The following GRID2 variants were observed in gnomAD, a reference collection of about 807,000 sequenced individuals.
The protein encoded by GRID2 is glutamate ionotropic receptor delta type subunit 2.
In GRID2, 33 loss-of-function variants were observed where a neutral mutation model predicts 114.8. That is an observed-to-expected ratio of 0.29 (90% CI 0.22 to 0.38). The LOEUF is 0.38. Ranked by LOEUF, GRID2 falls within the 10% of genes least tolerant of loss-of-function variation. GRID2 has a pLI of 1.00. For missense variants in GRID2, 1,184 were observed against 1,257.7 expected, an observed-to-expected ratio of 0.94 and a Z score of 0.89; for synonymous variants, 505 against 449.9, an observed-to-expected ratio of 1.12 and a Z score of -1.55.
At chr4:92,869,623 C>T (rs765452420) in intron 2 of GRID2, among the ~76,000 whole-genome samples, 24 of 152,190 alleles carry the variant, frequency 1.6e-4, no homozygotes, top group African/African-American at 3.1e-4. Context: ...TTATAAAGCC[C>T]GACATTATCC....
chr4:93,741,722 G>C (rs774065125), intron 14 of GRID2, among the ~76,000 whole-genome samples: 2 of 152,096 alleles, frequency 1.3e-5, no homozygotes, highest in Non-Finnish European at 2.9e-5. Context: ...TCAGGAGTTC[G>C]AGACCAGCCT....
intron 13 of GRID2, among the ~76,000 whole-genome samples, chr4:93,538,831 A>T (rs1458725956): frequency 6.6e-6 from 1 of 151,830 alleles, no homozygotes; most frequent in Admixed American, 6.6e-5. Context: ...AACTAACAAG[A>T]CATAACAACT....
In GRID2 at chr4:92,922,305, A is replaced by G. The variant is rs570455031; in HGVS notation, c.245-162690A>G. On this transcript the variant is annotated intron_variant, in intron 2 of 15. Coordinates refer to ENST00000282020, the MANE Select transcript of GRID2 (RefSeq NM_001510.4). The stretch of plus-strand genomic sequence containing the variant: ...CCCCTTGCGCTTCCCTGGTGAGGCA[A>G]TGACTCACCCTGCTTCGGCTCATGT... Among the ~76,000 whole-genome samples, 125 of 152,220 alleles carry G rather than the reference A, an allele frequency of 8.2e-4. 1 individual carries two copies. The highest frequency in any genetic ancestry group is 2.5e-3 in the African/African-American group (102 of 41,562).
chr4:92,519,114 C>G (rs1724649319), intron 1 of GRID2, among the ~76,000 whole-genome samples: 1 of 151,732 alleles, frequency 6.6e-6, no homozygotes, highest in South Asian at 2.1e-4. Flanking sequence ...ATACATGTAT[C>G]AAATTTAACC....
intron 2 of GRID2, among the ~76,000 whole-genome samples, chr4:92,796,210 G>A (rs995640774): frequency 6.6e-6 from 1 of 151,726 alleles, no homozygotes; most frequent in Non-Finnish European, 1.5e-5. Context: ...TGATCTAGAG[G>A]CTGAACTAGA....
intron 1 of GRID2, among the ~76,000 whole-genome samples, chr4:92,535,977 G>A (rs908045056): frequency 4.2e-4 from 64 of 152,134 alleles, no homozygotes; most frequent in African/African-American, 1.4e-3. Flanking sequence ...GCAGACCTTC[G>A]TGGTGAGTGT....
At chr4:93,710,376 C>G (rs1479027666) in intron 14 of GRID2, among the ~76,000 whole-genome samples, 1 of 152,196 alleles carries the variant, frequency 6.6e-6, no homozygotes, top group Non-Finnish European at 1.5e-5. Flanking sequence ...AGGAAATTTC[C>G]TTGTATTACA....
At chr4:93,400,285 C>T (rs554956287) in intron 9 of GRID2, among the ~76,000 whole-genome samples, 1 of 152,090 alleles carries the variant, frequency 6.6e-6, no homozygotes, top group South Asian at 2.1e-4. Context: ...TGTATTCAAC[C>T]ATCACCAAAG....
intron 14 of GRID2, among the ~76,000 whole-genome samples, chr4:93,707,784 T>G (rs1271434778): frequency 6.6e-6 from 1 of 151,960 alleles, no homozygotes; most frequent in Non-Finnish European, 1.5e-5. Flanking sequence ...ATCATTAGGT[T>G]ATTTATTTGA....
chr4:92,558,812 G>A (rs957280157), intron 1 of GRID2, among the ~76,000 whole-genome samples: 18 of 139,890 alleles, frequency 1.3e-4, no homozygotes, highest in African/African-American at 4.5e-4. Flanking sequence ...TTTTTTGTAA[G>A]ATAAATGGAA....
intron 14 of GRID2, among the ~76,000 whole-genome samples, chr4:93,652,391 C>A (rs2149723336): frequency 6.6e-6 from 1 of 152,204 alleles, no homozygotes; most frequent in African/African-American, 2.4e-5. Context: ...CGATGACAGA[C>A]TGCATAAAAA....
chr4:93,405,315 A>G (rs894816504), intron 9 of GRID2, among the ~76,000 whole-genome samples: 7 of 152,200 alleles, frequency 4.6e-5, no homozygotes, highest in Non-Finnish European at 7.4e-5. Flanking sequence ...TAAAATCACC[A>G]TAAGAATTGA....
At chr4:92,659,732 C>A (rs537004145) in intron 2 of GRID2, among the ~76,000 whole-genome samples, 1 of 151,344 alleles carries the variant, frequency 6.6e-6, no homozygotes, top group South Asian at 2.1e-4. Flanking sequence ...AGAATAAATC[C>A]ATTCCTGTGC....
intron 14 of GRID2, among the ~76,000 whole-genome samples, chr4:93,697,867 G>GTATATATATATA (rs1336222146): frequency 8.3e-4 from 70 of 83,864 alleles, no homozygotes; most frequent in East Asian, 1.5e-3. Flanking sequence ...TCCACAATGT[G>GTATATATATATA]TGTATATATA....
intron 1 of GRID2, among the ~76,000 whole-genome samples, chr4:92,409,863 G>A (rs1265620418): frequency 1.3e-5 from 2 of 152,066 alleles, no homozygotes; most frequent in African/African-American, 4.8e-5. Context: ...GACTGTGCTG[G>A]TCTTTTTCTT....
intron 2 of GRID2, among the ~76,000 whole-genome samples, chr4:92,661,461 C>A (rs1256536737): frequency 2.7e-5 from 4 of 150,804 alleles, no homozygotes; most frequent in Admixed American, 6.6e-5. Context: ...GGAATGATTC[C>A]TATTAATGTC....
At chr4:92,485,533 T>A (rs146142244) in intron 1 of GRID2, among the ~76,000 whole-genome samples, 1 of 150,700 alleles carries the variant, frequency 6.6e-6, no homozygotes, top group Non-Finnish European at 1.5e-5. Flanking sequence ...CTACTAAAAA[T>A]ACAAAAATTA....
chr4:92,308,099 A>C (rs953771114), intron 1 of GRID2, among the ~76,000 whole-genome samples: 1 of 152,126 alleles, frequency 6.6e-6, no homozygotes, highest in Non-Finnish European at 1.5e-5. Context: ...GCTGACTGCT[A>C]TTTTCTTCAT....
At chr4:93,375,227 T>G (rs1763267207) in intron 8 of GRID2, among the ~76,000 whole-genome samples, 1 of 150,694 alleles carries the variant, frequency 6.6e-6, no homozygotes, top group African/African-American at 2.4e-5. Flanking sequence ...TTTTTTTTTT[T>G]TTTTGAGACA....
Sources: gnomAD v4.1 joint callset for allele counts (sites outside exome capture counted in the v4.1 genomes callset) on GRCh38, gnomAD v4.1.1 for gene constraint, MANE v1.5 for transcripts, NCBI Gene and HGNC (gene_info 2026-07-23, HGNC 2026-07-21) for gene names.